MEF2C: variants seen among roughly 807,000 people sequenced by gnomAD.
MEF2C encodes the protein myocyte enhancer factor 2C, also known as myocyte-specific enhancer factor 2C.
In MEF2C, 6 loss-of-function variants were observed where a neutral mutation model predicts 50.5. The ratio of observed to expected loss-of-function variants is 0.12; its 90% confidence interval spans 0.07 to 0.23. The LOEUF is 0.23. Ranked by LOEUF, MEF2C falls within the 10% of genes least tolerant of loss-of-function variation. MEF2C has a pLI of 1.00. For missense variants in MEF2C, 276 were observed against 605.0 expected, an observed-to-expected ratio of 0.46 and a Z score of 5.70; for synonymous variants, 183 against 228.0, an observed-to-expected ratio of 0.80 and a Z score of 1.78.
chr5:88,773,017 G>T, intron 3 of MEF2C: 2 of 637,752 alleles, frequency 3.1e-6, no homozygotes, highest in Non-Finnish European at 3.9e-6. Context: ...AGTATCAGGA[G>T]TGCAGAGCGT....
rs974477903 is a variant in MEF2C at position 88,869,271 on chromosome 5, A to G, written c.-143+13684T>C. On this transcript the variant is annotated intron_variant, in intron 1 of 10. Coordinates refer to ENST00000504921, the MANE Select transcript of MEF2C (RefSeq NM_002397.5). ...AGTTTTCATATATATATATATATAT[A>G]TATATACATATATATATATATATAC... 2.3e-3 allele frequency among the ~76,000 whole-genome samples: 127 copies of G among 54,462 alleles called. 2 individuals are homozygous for G. The highest frequency in any genetic ancestry group is 0.019 in the Middle Eastern group (2 of 106). The allele number at this position is 54,462 out of a possible 152,430, so 35.7% of individuals were successfully genotyped here.
At chr5:88,886,699 AC>A (rs759221818), upstream of MEF2C, among the ~76,000 whole-genome samples, 4 of 152,218 alleles carry the variant, frequency 2.6e-5, no homozygotes, top group Non-Finnish European at 4.4e-5. Context: ...TATTTCTCCT[AC>A]ATTAAGTTGT....
At chr5:88,894,583 A>G (rs1834922556) in intron 1 of MEF2C, among the ~76,000 whole-genome samples, 2 of 152,226 alleles carry the variant, frequency 1.3e-5, no homozygotes, top group Non-Finnish European at 2.9e-5. Context: ...AATTTTTTCC[A>G]AAAGTAAATC....
At chr5:88,849,911 A>G (rs573686290) in intron 1 of MEF2C, among the ~76,000 whole-genome samples, 111 of 152,284 alleles carry the variant, frequency 7.3e-4, no homozygotes, top group African/African-American at 2.5e-3. Context: ...CAAAAACCAA[A>G]AATCCTTCAA....
chr5:88,870,668 T>C (rs1295335852), intron 1 of MEF2C, among the ~76,000 whole-genome samples: 1 of 152,012 alleles, frequency 6.6e-6, no homozygotes, highest in African/African-American at 2.4e-5. Context: ...TTTAAAGGAG[T>C]TCTTTGTAAA....
intron 2 of MEF2C, among the ~76,000 whole-genome samples, chr5:88,820,919 T>C (rs1317007728): frequency 6.6e-6 from 1 of 152,014 alleles, no homozygotes; most frequent in Non-Finnish European, 1.5e-5. Flanking sequence ...TTTGAAATTG[T>C]CAACAGCCTC....
At chr5:88,732,013 C>T (rs1054080829) in intron 6 of MEF2C, 112 bp from the exon 7 acceptor site, 1 of 965,780 alleles carries the variant, frequency 1.0e-6, no homozygotes, top group Non-Finnish European at 1.5e-6. Context: ...ACGTACATTG[C>T]AAAACCATAG....
At chr5:88,818,686 A>G (rs1424722113) in intron 2 of MEF2C, among the ~76,000 whole-genome samples, 2 of 151,938 alleles carry the variant, frequency 1.3e-5, no homozygotes, top group Non-Finnish European at 2.9e-5. Flanking sequence ...TCTCTGCATC[A>G]GCTCACTCCT....
chr5:88,792,260 A>G (rs1210188826), intron 3 of MEF2C, among the ~76,000 whole-genome samples: 2 of 151,990 alleles, frequency 1.3e-5, no homozygotes, highest in African/African-American at 4.8e-5. Context: ...AGTATACTTC[A>G]CCCAGCTCAC....
At chr5:88,806,204 G>C (rs1023843400) in intron 2 of MEF2C, among the ~76,000 whole-genome samples, 1 of 152,088 alleles carries the variant, frequency 6.6e-6, no homozygotes. Context: ...ACTGTTTTCA[G>C]AATGAATCAT....
Position 88,754,686 on chromosome 5 carries a change from G to A in MEF2C, c.403-2643C>T, listed in dbSNP as rs75061136. 3.3e-5 allele frequency among the ~76,000 whole-genome samples: 5 copies of A among 152,296 alleles called. No individual in the cohort carries two copies. In the East Asian group the frequency reaches 9.7e-4, roughly 29 times the overall value. ...AGATAACTGCAGTCACGTCCTAACA[G>A]ATTTACCTGCTCCGGTCCTTGCCAT... On this transcript the variant is annotated intron_variant, in intron 4 of 10. Transcript: ENST00000504921.
chr5:88,900,250 TTAA>T (rs1835505630), intron 1 of MEF2C, among the ~76,000 whole-genome samples: 1 of 151,876 alleles, frequency 6.6e-6, no homozygotes, highest in Admixed American at 6.6e-5. Context: ...ACTAATATAA[TTAA>T]TAATTTTGGA....
At chr5:88,750,080 A>G (rs1247433543) in intron 5 of MEF2C, 1 of 678,284 alleles carries the variant, frequency 1.5e-6, no homozygotes, top group African/African-American at 1.9e-5. Context: ...TTCAGCCAAA[A>G]GAATAATAGT....
intron 3 of MEF2C, among the ~76,000 whole-genome samples, chr5:88,778,743 C>A (rs1409262449): frequency 2.6e-5 from 4 of 152,124 alleles, no homozygotes; most frequent in African/African-American, 9.7e-5. Context: ...ATTTTTTCAA[C>A]AGTTACAAGG....
intron 6 of MEF2C, chr5:88,733,805 G>A: frequency 1.0e-6 from 1 of 985,296 alleles, no homozygotes; most frequent in Non-Finnish European, 1.2e-6. Flanking sequence ...AAAGCAAACT[G>A]GACACCCCCA....
intron 6 of MEF2C, chr5:88,738,813 C>A: frequency 3.0e-6 from 3 of 985,264 alleles, no homozygotes; most frequent in Non-Finnish European, 3.6e-6. Flanking sequence ...GTTCAGAAGA[C>A]ACTGAATTCT....
intron 1 of MEF2C, among the ~76,000 whole-genome samples, chr5:88,860,439 C>T (rs1232425102): frequency 2.6e-5 from 4 of 151,602 alleles, no homozygotes; most frequent in South Asian, 2.1e-4. Context: ...CTTGACATTT[C>T]CCCCCTCTAA....
At chr5:88,816,622 G>T (rs1033892975) in intron 2 of MEF2C, among the ~76,000 whole-genome samples, 1 of 151,574 alleles carries the variant, frequency 6.6e-6, no homozygotes, top group South Asian at 2.1e-4. Context: ...ATTAATAAAA[G>T]AATGATTTAA....
chr5:88,749,095 G>A lies in MEF2C; in HGVS notation c.612C>T (p.Leu204=). 6.3e-7 allele frequency: 1 copy of A among 1,576,030 alleles called. No homozygotes were observed. Among genetic ancestry groups the A allele is most frequent in the Non-Finnish European group, 8.6e-7 (1 of 1,160,168 alleles). ...CTGCACTGGTGCCTGCACCAGACGT[G>A]AGGTCTCCACCCATCAGACCACCTA... ...GNTGGLMGGD[L]TSGAGTSAGN... The change falls in exon 6 of 11, where the codon CTC becomes CTT. Residue 204 remains leucine, a synonymous_variant. Transcript: ENST00000504921.
Sources: allele counts gnomAD v4.1 joint callset (sites outside exome capture counted in the v4.1 genomes callset), GRCh38; gene constraint gnomAD v4.1.1; transcripts MANE v1.5; gene names NCBI Gene and HGNC (gene_info 2026-07-23, HGNC 2026-07-21).